The following ANGPTL5 variants were observed in gnomAD, a reference collection of about 807,000 sequenced individuals.
ANGPTL5 encodes the protein angiopoietin-related protein 5.
A neutral mutation model predicts 39.4 loss-of-function variants in ANGPTL5; 34 were observed. The ratio of observed to expected loss-of-function variants is 0.86; its 90% CI spans 0.66 to 1.15. ANGPTL5 has a LOEUF of 1.15. Ranked by LOEUF, ANGPTL5 falls within the 50% of genes most tolerant of loss-of-function variation. ANGPTL5 has a pLI of 0.00. For missense variants in ANGPTL5, 467 were observed against 457.5 expected (o/e 1.02, Z -0.19); for synonymous variants, 146 against 152.1 (o/e 0.96, Z 0.29).
intron 1 of ANGPTL5, chr11:101,915,056 C>A: frequency 3.9e-6 from 2 of 512,218 alleles, no homozygotes; most frequent in Non-Finnish European, 6.7e-6. Flanking sequence ...TTGCTGCCGC[C>A]CCATCTGCTA....
chr11:101,894,764 C>T (rs2137050375), intron 8 of ANGPTL5, 115 bp downstream of exon 8: 5 of 1,024,860 alleles, frequency 4.9e-6, no homozygotes, highest in Non-Finnish European at 7.3e-6. Context: ...CCTAATCTAT[C>T]CTGTTATCAG....
intron 1 of ANGPTL5, among the ~76,000 whole-genome samples, chr11:101,914,105 T>C (rs1462496264): frequency 6.6e-6 from 1 of 152,242 alleles, no homozygotes; most frequent in Admixed American, 6.5e-5. Context: ...CTGGAAAAGT[T>C]TATTATTTGA....
chr11:101,906,074 T>C (rs1939993002), intron 3 of ANGPTL5, among the ~76,000 whole-genome samples: 1 of 152,132 alleles, frequency 6.6e-6, no homozygotes, highest in Non-Finnish European at 1.5e-5. Context: ...CTATGCTTCC[T>C]ACTAATATAG....
intron 1 of ANGPTL5, among the ~76,000 whole-genome samples, chr11:101,913,669 G>A (rs977672134): frequency 1.1e-4 from 17 of 152,252 alleles, no homozygotes; most frequent in African/African-American, 3.6e-4. Context: ...TAGGACTTAC[G>A]AGATCGCAAA....
intron 6 of ANGPTL5, 100 bp from the exon 7 acceptor site, chr11:101,900,650 G>A (rs3858419): frequency 0.51 from 645,425 of 1,255,538 alleles, 168,874 homozygotes; most frequent in East Asian, 0.77. Flanking sequence ...AAAAGAGACG[G>A]TACTGCCACT....
intron 1 of ANGPTL5, among the ~76,000 whole-genome samples, chr11:101,910,173 G>T (rs1054748204): frequency 6.6e-6 from 1 of 152,100 alleles, no homozygotes; most frequent in Non-Finnish European, 1.5e-5. Flanking sequence ...CACTTTGGGA[G>T]GCTGAGGCGG....
At chr11:101,898,651 G>A in intron 7 of ANGPTL5, among the ~76,000 whole-genome samples, 1 of 152,170 alleles carries the variant, frequency 6.6e-6, no homozygotes, top group Admixed American at 6.5e-5. Context: ...TCTCTTGCCT[G>A]ATTGCCCTGG....
At chr11:101,915,247 T>A (rs368560519) in intron 1 of ANGPTL5, 3 of 1,605,702 alleles carry the variant, frequency 1.9e-6, no homozygotes, top group Non-Finnish European at 2.6e-6. Flanking sequence ...ATGAGGGAGG[T>A]TCTGGGGGCG....
At chr11:101,901,699 T>C (rs556809882) in intron 6 of ANGPTL5, among the ~76,000 whole-genome samples, 26 of 152,332 alleles carry the variant, frequency 1.7e-4, no homozygotes, top group African/African-American at 6.3e-4. Context: ...GTTTTGAATC[T>C]GTAGGTGAAG....
chr11:101,912,193 A>G (rs1406838086), intron 1 of ANGPTL5, among the ~76,000 whole-genome samples: 1 of 152,230 alleles, frequency 6.6e-6, no homozygotes, highest in Non-Finnish European at 1.5e-5. Context: ...GGTGCTCAAT[A>G]TATATTTCCT....
chr11:101,907,747 A>G, intron 2 of ANGPTL5, 67 bp downstream of exon 2: 1 of 1,051,152 alleles, frequency 9.5e-7, no homozygotes, highest in South Asian at 1.4e-5. Context: ...TCTTTTCAAA[A>G]TTCTAATATA....
At position 101,894,912 on chromosome 11, in the gene ANGPTL5, T is replaced by TA. The variant is rs765321536; in HGVS notation, c.813dup (p.Lys272Ter). ...CCTGAATACCGTCCTAAGTGCATTT[T>TA]AAAAAATCTCGTTTCATCCTCTAGC... On this transcript the variant is annotated frameshift_variant, in exon 8 of 9. Transcript: ENST00000334289. LOFTEE classifies it high-confidence loss of function. 3.7e-6 allele frequency: 6 copies of TA among 1,613,374 alleles called. No homozygotes were observed. The highest frequency in any genetic ancestry group is 1.1e-5 in the South Asian group (1 of 91,058).
intron 1 of ANGPTL5, among the ~76,000 whole-genome samples, chr11:101,913,231 T>C (rs894842635): frequency 3.3e-5 from 5 of 152,246 alleles, no homozygotes; most frequent in African/African-American, 1.2e-4. Flanking sequence ...AGTGCCTTTG[T>C]GTCCTAAAAA....
Position 101,907,818 on chromosome 11 carries a change from G to C in ANGPTL5, c.92C>G (p.Ser31Cys), listed in dbSNP as rs139580863. The change falls in exon 2 of 9, where the codon TCT becomes TGT. Residue 31 changes from serine (S) to cysteine (C), a missense_variant. Transcript: ENST00000334289. ...EAVQGNCVHH[S>C]TDSSVVNIVE... ...TAATATTGCTAAAATTCTTACCGTA[G>C]AATGATGTACACAGTTACCTTGTAC... 2 of 1,584,838 alleles carry C rather than the reference G, an allele frequency of 1.3e-6. No homozygotes were observed. The highest frequency in any genetic ancestry group is 8.7e-7 in the Non-Finnish European group (1 of 1,153,990).
At position 101,891,438 on chromosome 11, in the gene ANGPTL5, G is replaced by C. The variant is rs139900371; in HGVS notation, c.1008C>G (p.Asn336Lys). The C allele has an allele frequency of 6.2e-7, 1 of 1,614,046 alleles. No individual in the cohort carries two copies. Among genetic ancestry groups the C allele is most frequent in the Non-Finnish European group, 8.5e-7 (1 of 1,179,990 alleles). The part of the protein sequence containing the change: ...HLHNKTGWWF[N>K]ECGLANLNGI... ...CATTTAGATTTGCTAGACCACACTC[G>C]TTAAACCACCAGCCGGTCTTGTTAT... is the stretch of plus-strand genomic sequence containing the variant. Residue 336 changes from asparagine to lysine, a missense_variant, in exon 9 of 9, where the codon AAC (asparagine) becomes AAG (lysine). Physicochemically the swap from Asn to Lys is moderately conservative, Grantham distance 94 (BLOSUM62 0). Transcript: ENST00000334289.
At chr11:101,895,142 T>A in intron 7 of ANGPTL5, 78 bp from the exon 8 acceptor site, 1 of 1,244,020 alleles carries the variant, frequency 8.0e-7, no homozygotes, top group Non-Finnish European at 1.1e-6. Flanking sequence ...TTTGGTCTTG[T>A]TTAGCATTTC....
intron 7 of ANGPTL5, among the ~76,000 whole-genome samples, chr11:101,898,563 C>CA (rs1939839443): frequency 6.6e-6 from 1 of 152,166 alleles, no homozygotes; most frequent in South Asian, 2.1e-4. Flanking sequence ...ATGGGGTTTT[C>CA]AAAATATACA....
chr11:101,912,574 G>T (rs1343972236), intron 1 of ANGPTL5, among the ~76,000 whole-genome samples: 2 of 151,864 alleles, frequency 1.3e-5, no homozygotes, highest in African/African-American at 4.8e-5. Flanking sequence ...GAATTTAAAG[G>T]TCGAAAAAAC....
At chr11:101,895,223 C>A (rs1266489978) in intron 7 of ANGPTL5, among the ~76,000 whole-genome samples, 159 bp from the exon 8 acceptor site, 1 of 152,130 alleles carries the variant, frequency 6.6e-6, no homozygotes, top group African/African-American at 2.4e-5. Flanking sequence ...TCAGTGCTTA[C>A]CTACTTCATA....
Sources: allele counts gnomAD v4.1 joint callset (sites outside exome capture counted in the v4.1 genomes callset), GRCh38; gene constraint gnomAD v4.1.1; transcripts MANE v1.5; gene names NCBI Gene and HGNC (gene_info 2026-07-23, HGNC 2026-07-21).